DIAPH3: variants seen among roughly 807,000 people sequenced by gnomAD.
DIAPH3 encodes the protein protein diaphanous homolog 3.
A neutral mutation model predicts 144.3 loss-of-function variants in DIAPH3; 117 were observed. The observed-to-expected ratio is 0.81, with a 90% CI of 0.70 to 0.95. The LOEUF is 0.95. Among genes scored for constraint, DIAPH3 ranks in the 40% least tolerant of loss-of-function variants. DIAPH3 has a pLI of 0.00. For missense variants in DIAPH3, 1,421 were observed against 1,412.7 expected, an observed-to-expected ratio of 1.01 and a Z score of -0.09; for synonymous variants, 519 against 488.9, an observed-to-expected ratio of 1.06 and a Z score of -0.81.
chr13:59,988,844 A>T (rs1344695892), intron 12 of DIAPH3, among the ~76,000 whole-genome samples: 1 of 151,770 alleles, frequency 6.6e-6, no homozygotes, highest in East Asian at 1.9e-4. Flanking sequence ...TGTAAAACTG[A>T]ATTTGATCTT....
At chr13:59,999,738 A>T (rs2052412889) in intron 9 of DIAPH3, among the ~76,000 whole-genome samples, 1 of 150,612 alleles carries the variant, frequency 6.6e-6, no homozygotes, top group Non-Finnish European at 1.5e-5. Flanking sequence ...CCCCATCTCC[A>T]CTCCTTCCCA....
intron 4 of DIAPH3, among the ~76,000 whole-genome samples, chr13:60,086,024 C>A (rs2057735313): frequency 6.6e-6 from 1 of 152,080 alleles, no homozygotes; most frequent in Non-Finnish European, 1.5e-5. Flanking sequence ...TAAAATTCAA[C>A]TAGTAAATAG....
At chr13:59,904,788 T>C (rs1031489914) in intron 20 of DIAPH3, among the ~76,000 whole-genome samples, 5 of 151,640 alleles carry the variant, frequency 3.3e-5, no homozygotes, top group Admixed American at 6.6e-5. Flanking sequence ...GTGAGAAAAA[T>C]TGCAAATATT....
chr13:59,916,114 G>T, intron 19 of DIAPH3, 41 bp downstream of exon 19: 2 of 1,515,166 alleles, frequency 1.3e-6, no homozygotes, highest in South Asian at 1.1e-5. Context: ...TGAGAAGCTT[G>T]CAATGAAATA....
intron 27 of DIAPH3, among the ~76,000 whole-genome samples, chr13:59,741,061 C>T (rs890175058): frequency 7.2e-5 from 11 of 152,268 alleles, no homozygotes; most frequent in Admixed American, 4.6e-4. Context: ...TAGCTGTTAA[C>T]GGATCATTTT....
intron 17 of DIAPH3, among the ~76,000 whole-genome samples, chr13:59,937,276 A>G (rs2048314895): frequency 6.6e-6 from 1 of 152,156 alleles, no homozygotes; most frequent in Non-Finnish European, 1.5e-5. Flanking sequence ...TACAAAACCA[A>G]CTCTGAAAGT....
In DIAPH3 at chr13:59,951,499, AAC is replaced by A. The variant is rs1327000708; in HGVS notation, c.2074+18443_2074+18444del. ...TAATACTGTATACTGTATTACCTAT[AAC>A]ACATATATCTTTCATGTAAAATTGC... On this transcript the variant is annotated intron_variant, in intron 17 of 27. Transcript: ENST00000400324. Among the ~76,000 whole-genome samples the A allele has an allele frequency of 2.0e-5, 3 of 152,234 alleles. No homozygotes were observed. In the East Asian group the frequency reaches 5.8e-4, roughly 29 times the overall value.
intron 14 of DIAPH3, 149 bp from the exon 15 acceptor site, chr13:59,974,605 C>A: frequency 1.3e-6 from 1 of 752,052 alleles, no homozygotes; most frequent in South Asian, 1.7e-5. Context: ...TTTGAAAAGT[C>A]ACTTACAGTC....
intron 1 of DIAPH3, among the ~76,000 whole-genome samples, chr13:60,142,350 CA>C (rs2059442043): frequency 1.3e-5 from 2 of 152,082 alleles, no homozygotes; most frequent in South Asian, 2.1e-4. Flanking sequence ...GAAATACTCT[CA>C]AAACACTGTA....
intron 1 of DIAPH3, among the ~76,000 whole-genome samples, chr13:60,156,271 A>G (rs913939549): frequency 1.3e-5 from 2 of 152,230 alleles, no homozygotes; most frequent in Non-Finnish European, 2.9e-5. Flanking sequence ...ATCCAGAATA[A>G]TCTCATTTTA....
chr13:60,145,244 C>T (rs1951448735), intron 1 of DIAPH3, among the ~76,000 whole-genome samples: 1 of 152,214 alleles, frequency 6.6e-6, no homozygotes, highest in African/African-American at 2.4e-5. Context: ...GCTGCTGAAG[C>T]AGTTTCTGAA....
chr13:59,810,873 T>G lies in DIAPH3; in HGVS notation c.3078A>C (p.Lys1026Asn). The G allele has an allele frequency of 1.2e-6, 2 of 1,612,762 alleles. No homozygotes were observed. The highest frequency in any genetic ancestry group is 1.7e-5 in the Admixed American group (1 of 59,898). ...CTAATTCTTTAGCTATTCTGACACG[T>G]TTTTCTTTTTCCTCTGCTTCTCTTT... is the stretch of plus-strand genomic sequence containing the variant. ...IKKREAEEKEKRVRIAKELAE... is the reference protein window; with the variant it reads ...IKKREAEEKENRVRIAKELAE... The change falls in exon 25 of 28, where the codon AAA becomes AAC. Residue 1026 changes from lysine to asparagine, a missense_variant. Transcript: ENST00000400324.
At chr13:60,074,485 T>TTG (rs765447255) in intron 4 of DIAPH3, among the ~76,000 whole-genome samples, 6 of 152,194 alleles carry the variant, frequency 3.9e-5, no homozygotes, top group South Asian at 4.2e-4. Flanking sequence ...ACATTATCCT[T>TTG]TGTGTGTGTG....
intron 17 of DIAPH3, among the ~76,000 whole-genome samples, chr13:59,956,952 T>G (rs1420289262): frequency 6.6e-6 from 1 of 152,156 alleles, no homozygotes; most frequent in East Asian, 1.9e-4. Flanking sequence ...CTGTAGACCC[T>G]TTGATTTGGC....
intron 1 of DIAPH3, among the ~76,000 whole-genome samples, chr13:60,146,381 G>A (rs766679901): frequency 3.3e-5 from 5 of 152,128 alleles, no homozygotes; most frequent in Non-Finnish European, 5.9e-5. Context: ...CCTTCTTGGT[G>A]ATTCAAAAAA....
intron 27 of DIAPH3, among the ~76,000 whole-genome samples, chr13:59,762,080 T>TA (rs1417302548): frequency 1.2e-5 from 1 of 80,952 alleles, no homozygotes; most frequent in Non-Finnish European, 2.3e-5. Flanking sequence ...TTTTTTTTTT[T>TA]AGACAGTCTT....
intron 27 of DIAPH3, among the ~76,000 whole-genome samples, chr13:59,692,336 T>C (rs987519024): frequency 1.3e-5 from 2 of 151,862 alleles, no homozygotes; most frequent in African/African-American, 4.8e-5. Flanking sequence ...AAAGAGGTCA[T>C]TTAAATCATT....
chr13:59,872,716 G>A (rs750491668), intron 21 of DIAPH3, among the ~76,000 whole-genome samples: 9 of 152,214 alleles, frequency 5.9e-5, no homozygotes, highest in Non-Finnish European at 1.2e-4. Context: ...ATATAAAAGT[G>A]AAGTCTGAAT....
At chr13:59,931,281 C>A (rs2048004343) in intron 17 of DIAPH3, among the ~76,000 whole-genome samples, 1 of 152,150 alleles carries the variant, frequency 6.6e-6, no homozygotes, top group Non-Finnish European at 1.5e-5. Context: ...TTGTGGCCAA[C>A]ATATTTTTTC....
Sources: gnomAD v4.1 joint callset for allele counts (sites outside exome capture counted in the v4.1 genomes callset) on GRCh38, gnomAD v4.1.1 for gene constraint, MANE v1.5 for transcripts, NCBI Gene and HGNC (gene_info 2026-07-23, HGNC 2026-07-21) for gene names.